The following LINGO2 variants were observed in gnomAD, a reference collection of about 807,000 sequenced individuals.
LINGO2 encodes leucine-rich repeat and immunoglobulin-like domain-containing nogo receptor-interacting protein 2.
LINGO2 carries 14 observed loss-of-function variants against 30.6 expected under a neutral mutation model. The observed-to-expected ratio is 0.46, with a 90% CI of 0.30 to 0.72. The LOEUF is 0.72. Among genes scored for constraint, LINGO2 ranks in the 30% least tolerant of loss-of-function variants. LINGO2 has a pLI of 0.07. For synonymous variants in LINGO2, 317 were observed against 288.5 expected, an observed-to-expected ratio of 1.10 and a Z score of -1.00; for missense variants, 729 against 751.7, an observed-to-expected ratio of 0.97 and a Z score of 0.35.
At chr9:28,419,807 A>AT (rs149710046) in intron 2 of LINGO2, among the ~76,000 whole-genome samples, 64,931 of 151,676 alleles carry the variant, frequency 0.43, 14,387 homozygotes, top group Middle Eastern at 0.5. Flanking sequence ...GTTATGTATA[A>AT]TTTTATCGGT....
At chr9:28,086,253 A>G (rs1415846617) in intron 4 of LINGO2, among the ~76,000 whole-genome samples, 2 of 152,094 alleles carry the variant, frequency 1.3e-5, no homozygotes, top group Non-Finnish European at 2.9e-5. Flanking sequence ...AACATATGGA[A>G]AAATGCTGCA....
At chr9:28,950,001 C>A in the LINGO2 span, among the ~76,000 whole-genome samples, 5 of 149,808 alleles carry the variant, frequency 3.3e-5, no homozygotes, top group Non-Finnish European at 6.0e-5. Context: ...CCATCAGCAG[C>A]ACATTAAAAC....
At chr9:27,998,608 G>A (rs1002988775) in intron 5 of LINGO2, among the ~76,000 whole-genome samples, 2 of 152,104 alleles carry the variant, frequency 1.3e-5, no homozygotes, top group East Asian at 3.9e-4. Flanking sequence ...GTGAAACCCC[G>A]TTTCTACTAA....
intron 1 of LINGO2, among the ~76,000 whole-genome samples, chr9:28,483,560 T>TA (rs1473393518): frequency 6.6e-6 from 1 of 151,380 alleles, no homozygotes; most frequent in African/African-American, 2.4e-5. Context: ...AAAAAAAAGA[T>TA]AAAAAAAGAA....
At chr9:28,411,755 T>A (rs568352771) in intron 2 of LINGO2, among the ~76,000 whole-genome samples, 1 of 152,224 alleles carries the variant, frequency 6.6e-6, no homozygotes, top group East Asian at 1.9e-4. Flanking sequence ...TTCAAGATCT[T>A]GCTTCTCATT....
the LINGO2 span, among the ~76,000 whole-genome samples, chr9:29,151,699 T>A: frequency 1.3e-5 from 2 of 152,186 alleles, no homozygotes; most frequent in Admixed American, 6.5e-5. Context: ...AAAATTTAAC[T>A]ATTCTAAATA....
intron 5 of LINGO2, among the ~76,000 whole-genome samples, chr9:28,008,080 G>A (rs938460586): frequency 1.2e-4 from 18 of 152,196 alleles, no homozygotes; most frequent in African/African-American, 3.4e-4. Context: ...GGAGGCTCCC[G>A]TCTTACATCG....
the LINGO2 span, among the ~76,000 whole-genome samples, chr9:28,852,483 T>C: frequency 6.6e-6 from 1 of 152,048 alleles, no homozygotes; most frequent in African/African-American, 2.4e-5. Context: ...AGTGGTTATT[T>C]ATACATATGC....
the LINGO2 span, among the ~76,000 whole-genome samples, chr9:28,836,072 T>C: frequency 2.6e-5 from 4 of 152,180 alleles, no homozygotes; most frequent in African/African-American, 9.7e-5. Context: ...AGATGTCTTC[T>C]TTGCAGCAGA....
At chr9:28,772,910 A>C in the LINGO2 span, among the ~76,000 whole-genome samples, 2 of 152,204 alleles carry the variant, frequency 1.3e-5, no homozygotes, top group Non-Finnish European at 2.9e-5. Context: ...CCACAACAGC[A>C]CATCACTGAA....
chr9:28,978,902 G>A, the LINGO2 span, among the ~76,000 whole-genome samples: 1 of 152,072 alleles, frequency 6.6e-6, no homozygotes, highest in Non-Finnish European at 1.5e-5. Flanking sequence ...ATTTTAGTCT[G>A]TAAAAGTATA....
chr9:28,433,622 A>G (rs10812822), intron 2 of LINGO2, among the ~76,000 whole-genome samples: 18,462 of 152,076 alleles, frequency 0.12, 1,292 homozygotes, highest in East Asian at 0.23. Context: ...AAAGGCAAAA[A>G]GCATTAGATG....
the LINGO2 span, among the ~76,000 whole-genome samples, chr9:29,140,110 TA>T: frequency 6.6e-6 from 1 of 152,062 alleles, no homozygotes; most frequent in East Asian, 1.9e-4. Context: ...AGACAGTTTG[TA>T]AAGACTAGAA....
At chr9:29,028,063 C>T in the LINGO2 span, among the ~76,000 whole-genome samples, 1 of 152,060 alleles carries the variant, frequency 6.6e-6, no homozygotes, top group Non-Finnish European at 1.5e-5. Context: ...GACCTGTATT[C>T]CTGGACTGTA....
intron 4 of LINGO2, among the ~76,000 whole-genome samples, chr9:28,070,347 GACTATC>G: frequency 6.6e-6 from 1 of 151,966 alleles, no homozygotes; most frequent in South Asian, 2.1e-4. Flanking sequence ...TAATCCTTTT[GACTATC>G]AAGTTTATCT....
chr9:28,654,346 T>C (rs540165908), intron 1 of LINGO2, among the ~76,000 whole-genome samples: 2 of 152,246 alleles, frequency 1.3e-5, no homozygotes, highest in African/African-American at 4.8e-5. Context: ...ATATCTAGCA[T>C]ATTCATTTCA....
At chr9:28,682,191 GTC>G in the LINGO2 span, among the ~76,000 whole-genome samples, 1 of 152,194 alleles carries the variant, frequency 6.6e-6, no homozygotes, top group South Asian at 2.1e-4. Context: ...ACTTATATCA[GTC>G]TCTTTCAATG....
rs538937665 is a variant in LINGO2 at position 28,355,696 on chromosome 9, TCA to T, written c.-246+17138_-246+17139del. 6.6e-5 allele frequency among the ~76,000 whole-genome samples: 10 copies of T among 152,210 alleles called. No homozygotes were observed. In the East Asian group the frequency reaches 1.9e-3, roughly 29 times the overall value. Reference sequence around the variant, plus strand: ...GCTGATCAGCAGGCTCCAGGAGGGTTCACAGTGAAGGATCGAAACCCTAGGCT... The same window carrying T: ...GCTGATCAGCAGGCTCCAGGAGGGTTCAGTGAAGGATCGAAACCCTAGGCT... On this transcript the variant is annotated intron_variant, in intron 3 of 5. Transcript: ENST00000379992.
chr9:28,822,900 G>C, the LINGO2 span, among the ~76,000 whole-genome samples: 3 of 152,084 alleles, frequency 2.0e-5, no homozygotes, highest in African/African-American at 7.2e-5. Context: ...AAAAGGAACA[G>C]GCTGAAACAG....
Sources: gnomAD v4.1 joint callset for allele counts (sites outside exome capture counted in the v4.1 genomes callset) on GRCh38, gnomAD v4.1.1 for gene constraint, MANE v1.5 for transcripts, NCBI Gene and HGNC (gene_info 2026-07-23, HGNC 2026-07-21) for gene names.